MON2: variants seen among roughly 807,000 people sequenced by gnomAD.
The protein encoded by MON2 is MON2 regulator of endosome-to-Golgi trafficking, also known as protein MON2 homolog.
MON2 carries 84 observed loss-of-function variants against 208.6 expected under a neutral mutation model. The ratio of observed to expected loss-of-function variants is 0.40; its 90% CI spans 0.34 to 0.48. The LOEUF (loss-of-function observed/expected upper bound fraction) is 0.48, where lower values mean the gene tolerates loss of function less well. Ranked by LOEUF, MON2 falls within the 20% of genes least tolerant of loss-of-function variation. The pLI is 0.59. For synonymous variants in MON2, 660 were observed against 694.0 expected (o/e 0.95, Z 0.77); for missense variants, 1,611 against 2,015.4 (o/e 0.80, Z 3.84).
chr12:62,479,431 T>C (rs1333183053), intron 1 of MON2, among the ~76,000 whole-genome samples: 3 of 117,206 alleles, frequency 2.6e-5, no homozygotes, highest in Admixed American at 1.0e-4. Context: ...TGTGTGTATA[T>C]CCCCCCCCCC....
intron 32 of MON2, among the ~76,000 whole-genome samples, chr12:62,581,312 G>T (rs1257835394): frequency 2.0e-5 from 3 of 152,174 alleles, no homozygotes; most frequent in Non-Finnish European, 1.5e-5. Flanking sequence ...CGCTAGGTGG[G>T]ATCCCAAGGT....
rs2074742675 is a variant in MON2, at chr12:62,575,595, A to C, written c.4515-2850A>C. 2.6e-5 allele frequency among the ~76,000 whole-genome samples: 4 copies of C among 152,146 alleles called. No individual in the cohort carries two copies. The South Asian group carries it at 8.3e-4, about 32-fold the overall frequency. ...AAATCCTTTAACCTAATTAATACAT[A>C]CTCTAAGACTTTAAGAATAAACATA... On this transcript the variant is annotated intron_variant, in intron 30 of 34. Coordinates refer to ENST00000393630, the MANE Select transcript of MON2 (RefSeq NM_015026.3).
At chr12:62,562,600 ATATTT>A (rs1191662369) in intron 26 of MON2, among the ~76,000 whole-genome samples, 5 of 152,130 alleles carry the variant, frequency 3.3e-5, no homozygotes, top group Non-Finnish European at 5.9e-5. Context: ...AGAAAAATGT[ATATTT>A]TATTATCAGA....
chr12:62,592,304 G>A (rs1482288391), intron 34 of MON2, among the ~76,000 whole-genome samples: 1 of 152,118 alleles, frequency 6.6e-6, no homozygotes, highest in East Asian at 1.9e-4. Context: ...GAATTGCTTT[G>A]TTAGCTTTCA....
At position 62,560,983 on chromosome 12, in the gene MON2, T is replaced by A. The variant is rs771971716; in HGVS notation, c.3902T>A (p.Val1301Asp). The A allele has an allele frequency of 6.2e-7, 1 of 1,613,890 alleles. No individual in the cohort carries two copies. The highest frequency in any genetic ancestry group is 8.5e-7 in the Non-Finnish European group (1 of 1,179,892). The change falls in exon 26 of 35, where the codon GTC (valine) becomes GAC (aspartate). Residue 1301 changes from valine (V) to aspartate (D), a missense_variant. Transcript: ENST00000393630. Reference sequence around the variant, plus strand: ...ATGGATGACTTGCAAAAGTTGGGAGTCATATTGCACAGTGCTATTTCAGTC... The same window carrying A: ...ATGGATGACTTGCAAAAGTTGGGAGACATATTGCACAGTGCTATTTCAGTC... ...FNMDDLQKLG[V>D]ILHSAISVPI...
Position 62,544,947 on chromosome 12 carries a change from T to C in MON2, c.2516T>C (p.Leu839Ser). The C allele has an allele frequency of 6.2e-7, 1 of 1,609,322 alleles. No homozygotes were observed. Among genetic ancestry groups the C allele is most frequent in the Non-Finnish European group, 8.5e-7 (1 of 1,177,858 alleles). Reference protein sequence around the residue: ...SRMREWGAEALTSLIKAGLTF... With the variant: ...SRMREWGAEASTSLIKAGLTF... ...ATGAGAGAATGGGGAGCAGAAGCTT[T>C]AACTTCTCTTATTAAAGCAGGATTA... Residue 839 changes from leucine (L) to serine (S), a missense_variant, in exon 21 of 35, where the codon TTA (leucine) becomes TCA (serine). Coordinates refer to ENST00000393630, the MANE Select transcript of MON2 (RefSeq NM_015026.3).
intron 30 of MON2, 127 bp downstream of exon 30, chr12:62,571,709 A>G: frequency 1.3e-6 from 1 of 770,694 alleles, no homozygotes; most frequent in East Asian, 2.8e-5. Flanking sequence ...TGTATTAAAA[A>G]CACACCTGAA....
chr12:62,498,408 G>A (rs1424797415), intron 4 of MON2, among the ~76,000 whole-genome samples: 1 of 152,020 alleles, frequency 6.6e-6, no homozygotes, highest in Non-Finnish European at 1.5e-5. Context: ...GTCAATTGTG[G>A]CCATAGTTTC....
At chr12:62,501,521 G>A (rs1242365812) in intron 6 of MON2, 52 bp from the exon 7 acceptor site, 1 of 1,589,284 alleles carries the variant, frequency 6.3e-7, no homozygotes, top group Non-Finnish European at 8.6e-7. Flanking sequence ...CTGCGAGTTT[G>A]GAAAAGCACA....
chr12:62,518,179 C>T (rs2071800216), intron 8 of MON2, among the ~76,000 whole-genome samples: 1 of 152,200 alleles, frequency 6.6e-6, no homozygotes, highest in Non-Finnish European at 1.5e-5. Flanking sequence ...CAATCCCATT[C>T]ATGAGGGTTT....
rs1301713507 is a variant in MON2 at position 62,543,003 on chromosome 12, A to C, written c.2365-94A>C. On this transcript the variant is annotated intron_variant, in intron 19 of 34. Transcript: ENST00000393630. ...ATACTAACCACTCAATTTTAATTTCAGTCATGCTCTTCAGAGTATTCTCAG... is the reference window on the plus strand; with the variant it reads ...ATACTAACCACTCAATTTTAATTTCCGTCATGCTCTTCAGAGTATTCTCAG... 4 of 653,312 alleles carry C rather than the reference A, an allele frequency of 6.1e-6. No homozygotes were observed. In the African/African-American group the frequency reaches 7.8e-5, roughly 13 times the overall value. 40.5% of individuals were successfully genotyped at this position (653,312 alleles called of 1,614,324 possible).
At chr12:62,561,728 A>G (rs1011352527) in intron 26 of MON2, among the ~76,000 whole-genome samples, 64 of 152,294 alleles carry the variant, frequency 4.2e-4, no homozygotes, top group African/African-American at 1.5e-3. Flanking sequence ...CACAATTCAC[A>G]GTCATCAAAA....
chr12:62,587,815 T>G, intron 33 of MON2: 1 of 278,688 alleles, frequency 3.6e-6, no homozygotes, highest in African/African-American at 2.2e-5. Flanking sequence ...AATTTAATTT[T>G]TCAGGAGTAG....
intron 34 of MON2, chr12:62,588,919 A>C: frequency 1.4e-6 from 2 of 1,433,346 alleles, no homozygotes; most frequent in Non-Finnish European, 1.9e-6. Context: ...TCTTAAAGGT[A>C]AATAATTTTT....
intron 1 of MON2, among the ~76,000 whole-genome samples, chr12:62,481,421 G>A (rs1300706452): frequency 6.6e-6 from 1 of 151,552 alleles, no homozygotes; most frequent in Non-Finnish European, 1.5e-5. Flanking sequence ...AGCTGCTCAG[G>A]AGGCTGAGGC....
At chr12:62,503,511 C>T (rs2070945816) in intron 7 of MON2, among the ~76,000 whole-genome samples, 1 of 152,238 alleles carries the variant, frequency 6.6e-6, no homozygotes, top group South Asian at 2.1e-4. Flanking sequence ...TGTGACACCA[C>T]ATCCACAATG....
chr12:62,577,486 T>C (rs2074836683), intron 30 of MON2, among the ~76,000 whole-genome samples: 1 of 152,150 alleles, frequency 6.6e-6, no homozygotes, highest in Non-Finnish European at 1.5e-5. Flanking sequence ...TACATTATAC[T>C]TAATATACAG....
intron 8 of MON2, among the ~76,000 whole-genome samples, chr12:62,521,916 G>C (rs1018951748): frequency 6.6e-5 from 10 of 152,186 alleles, no homozygotes; most frequent in African/African-American, 2.4e-4. Context: ...CTAGTGGCTG[G>C]GTGTGGTGGC....
At chr12:62,552,235 A>G (rs1169184675) in intron 23 of MON2, among the ~76,000 whole-genome samples, 3 of 152,160 alleles carry the variant, frequency 2.0e-5, no homozygotes, top group African/African-American at 7.2e-5. Flanking sequence ...CCGAGGGACA[A>G]CTGTATTTTA....
Sources: gnomAD v4.1 joint callset for allele counts (sites outside exome capture counted in the v4.1 genomes callset) on GRCh38, gnomAD v4.1.1 for gene constraint, MANE v1.5 for transcripts, NCBI Gene and HGNC (gene_info 2026-07-23, HGNC 2026-07-21) for gene names.